Variants in CRADD observed in about 807,000 individuals in gnomAD.
The protein encoded by CRADD is CARD and death domain containing adaptor protein, also known as death domain-containing protein CRADD.
CRADD carries 9 observed loss-of-function variants against 15.5 expected under a neutral mutation model. The ratio of observed to expected loss-of-function variants is 0.58; its 90% confidence interval spans 0.35 to 1.01. The LOEUF (loss-of-function observed/expected upper bound fraction) is 1.01. Among genes scored for constraint, CRADD ranks in the 50% least tolerant of loss-of-function variants. The pLI is 0.02. For synonymous variants in CRADD, 118 were observed against 107.6 expected, an observed-to-expected ratio of 1.10 and a Z score of -0.60; for missense variants, 227 against 250.3, an observed-to-expected ratio of 0.91 and a Z score of 0.63.
chr12:93,763,289 T>C (rs1360228404), intron 2 of CRADD, among the ~76,000 whole-genome samples: 2 of 152,194 alleles, frequency 1.3e-5, no homozygotes, highest in African/African-American at 4.8e-5. Context: ...TGTTTTCTTT[T>C]ATGGCTTTAC....
At chr12:93,854,496 G>A (rs1191855363), downstream of CRADD, among the ~76,000 whole-genome samples, 1 of 152,230 alleles carries the variant, frequency 6.6e-6, no homozygotes, top group Non-Finnish European at 1.5e-5. Context: ...CTCAGAGTCA[G>A]TGCGGGAGGG....
At chr12:93,846,952 AAT>A (rs900694747) in intron 2 of CRADD, among the ~76,000 whole-genome samples, 10 of 152,110 alleles carry the variant, frequency 6.6e-5, no homozygotes. Flanking sequence ...TACAAAAAAA[AAT>A]TAGCCAGGCA....
intron 2 of CRADD, among the ~76,000 whole-genome samples, chr12:93,869,114 G>A (rs1293326710): frequency 6.6e-6 from 1 of 152,286 alleles, no homozygotes; most frequent in Middle Eastern, 3.4e-3. Context: ...TGATAAACAT[G>A]TCTTGAATTC....
At chr12:93,794,211 A>G (rs553270956) in intron 2 of CRADD, among the ~76,000 whole-genome samples, 18 of 152,058 alleles carry the variant, frequency 1.2e-4, no homozygotes, top group African/African-American at 4.1e-4. Flanking sequence ...CCAATGCTTC[A>G]TCCTTGGGTT....
intron 2 of CRADD, among the ~76,000 whole-genome samples, chr12:93,718,099 G>C (rs927070325): frequency 6.6e-6 from 1 of 152,184 alleles, no homozygotes; most frequent in Non-Finnish European, 1.5e-5. Flanking sequence ...AAGCCGTAAA[G>C]TCAGGTAGTG....
At chr12:93,687,954 T>C (rs1322308849) in intron 2 of CRADD, among the ~76,000 whole-genome samples, 2 of 152,248 alleles carry the variant, frequency 1.3e-5, no homozygotes, top group Admixed American at 1.3e-4. Context: ...TTTTTATTGC[T>C]ATTCACATTG....
At chr12:93,784,718 C>G (rs749771599) in intron 2 of CRADD, among the ~76,000 whole-genome samples, 1 of 151,984 alleles carries the variant, frequency 6.6e-6, no homozygotes, top group Non-Finnish European at 1.5e-5. Context: ...ACACAGAGTC[C>G]CAGAGTGATT....
At chr12:93,841,418 C>T (rs1958045918) in intron 2 of CRADD, among the ~76,000 whole-genome samples, 1 of 152,142 alleles carries the variant, frequency 6.6e-6, no homozygotes, top group Admixed American at 6.5e-5. Context: ...GTTTCATGAG[C>T]TTTTTCTTTT....
chr12:93,867,388 C>CATATATATATATATATATATAT (rs150901925), intron 2 of CRADD, among the ~76,000 whole-genome samples: 1 of 52,588 alleles, frequency 1.9e-5, no homozygotes, highest in Admixed American at 1.6e-4. Flanking sequence ...TTGTATTTGA[C>CATATATATATATATATATATAT]ATATATATAT....
intron 2 of CRADD, chr12:93,815,801 G>A (rs555663312): frequency 1.4e-4 from 21 of 152,292 alleles, no homozygotes; most frequent in African/African-American, 5.1e-4. Flanking sequence ...TGATCATTGG[G>A]AGGGGAGAAT....
intron 2 of CRADD, among the ~76,000 whole-genome samples, chr12:93,694,800 A>G (rs925401776): frequency 6.6e-5 from 10 of 152,208 alleles, no homozygotes; most frequent in African/African-American, 2.4e-4. Context: ...ACATTGATGA[A>G]AGAAACTGAA....
At chr12:93,806,451 C>CA (rs59372325) in intron 2 of CRADD, among the ~76,000 whole-genome samples, 665 of 58,730 alleles carry the variant, frequency 0.011, 13 homozygotes, top group East Asian at 0.031. Context: ...GACTCCATCT[C>CA]AAAAAAAAAA....
chr12:93,854,399 A>C (rs1350552096), downstream of CRADD, among the ~76,000 whole-genome samples: 1 of 152,182 alleles, frequency 6.6e-6, no homozygotes, highest in African/African-American at 2.4e-5. Flanking sequence ...GACAGCAAGA[A>C]GGCAAGCCGC....
At chr12:93,877,480 C>A (rs1474737072) in intron 2 of CRADD, among the ~76,000 whole-genome samples, 1 of 152,218 alleles carries the variant, frequency 6.6e-6, no homozygotes, top group Non-Finnish European at 1.5e-5. Flanking sequence ...GGAATACAGT[C>A]AAAAACCTTA....
At chr12:93,868,685 T>TGC in intron 2 of CRADD, among the ~76,000 whole-genome samples, 1 of 143,548 alleles carries the variant, frequency 7.0e-6, no homozygotes, top group East Asian at 2.1e-4. Flanking sequence ...CTCTCTCTCT[T>TGC]GCACACACAC....
chr12:93,831,611 C>T (rs1458421880), intron 2 of CRADD, among the ~76,000 whole-genome samples: 1 of 152,222 alleles, frequency 6.6e-6, no homozygotes, highest in African/African-American at 2.4e-5. Flanking sequence ...CTCTCTTAAA[C>T]GATACTTCTT....
At chr12:93,760,049 A>G (rs4343069) in intron 2 of CRADD, among the ~76,000 whole-genome samples, 62,001 of 152,014 alleles carry the variant, frequency 0.41, 13,634 homozygotes, top group East Asian at 0.8. Flanking sequence ...AGACATGGAG[A>G]CTACCAGTCA....
chr12:93,793,567 ACTGTATAACAGGGTTTT>A (rs1957376320), intron 2 of CRADD, among the ~76,000 whole-genome samples: 1 of 152,222 alleles, frequency 6.6e-6, no homozygotes, highest in South Asian at 2.1e-4. Context: ...CAGTGAGAGC[ACTGTATAACAGGGTTTT>A]CTGTTTTCCT....
intron 2 of CRADD, among the ~76,000 whole-genome samples, chr12:93,712,032 A>T (rs1956083102): frequency 6.6e-6 from 1 of 152,182 alleles, no homozygotes; most frequent in Non-Finnish European, 1.5e-5. Context: ...CTGGGATTAC[A>T]GGCATGAGCC....
Sources: allele counts gnomAD v4.1 joint callset (sites outside exome capture counted in the v4.1 genomes callset), GRCh38; gene constraint gnomAD v4.1.1; transcripts MANE v1.5; gene names NCBI Gene and HGNC (gene_info 2026-07-23, HGNC 2026-07-21).